SRD5A1: variants seen among roughly 807,000 people sequenced by gnomAD.
The protein encoded by SRD5A1 is 3-oxo-5-alpha-steroid 4-dehydrogenase 1.
SRD5A1 carries 22 observed loss-of-function variants against 28.2 expected under a neutral mutation model. The observed-to-expected ratio is 0.78, with a 90% CI of 0.56 to 1.12. The LOEUF is 1.12. Ranked by LOEUF, SRD5A1 falls within the 50% of genes most tolerant of loss-of-function variation. The pLI is 0.00. For missense variants in SRD5A1, 300 were observed against 346.7 expected, an observed-to-expected ratio of 0.87 and a Z score of 1.07; for synonymous variants, 151 against 135.0, an observed-to-expected ratio of 1.12 and a Z score of -0.82.
At chr5:6,652,060 T>C (rs1038684263) in intron 2 of SRD5A1, 52 bp downstream of exon 2, 4 of 1,538,276 alleles carry the variant, frequency 2.6e-6, no homozygotes, top group Non-Finnish European at 3.5e-6. Flanking sequence ...TGCTTTTATA[T>C]TGATGTCCCA....
At chr5:6,664,914 G>A (rs531393747) in intron 4 of SRD5A1, among the ~76,000 whole-genome samples, 37 of 152,364 alleles carry the variant, frequency 2.4e-4, no homozygotes, top group Non-Finnish European at 4.3e-4. Flanking sequence ...AGTGAGTGCC[G>A]AAGGCAGAGA....
rs1435805077 is a variant in SRD5A1, at chr5:6,633,801, C to G, written c.225C>G (p.Ser75=). 1 of 1,597,864 alleles carries G rather than the reference C, an allele frequency of 6.3e-7. No homozygotes were observed. The highest frequency in any genetic ancestry group is 1.7e-5 in the Admixed American group (1 of 60,006). Residue 75 remains serine (S), a synonymous_variant, in exon 1 of 5, where the codon TCC becomes TCG. Coordinates refer to ENST00000274192, the MANE Select transcript of SRD5A1 (RefSeq NM_001047.4). ...ALPLYQYASE[S]APRLRSAPNC... is the part of the protein sequence containing the mutation. ...CGCTCTACCAGTACGCCAGCGAGTCCGCCCCGCGTCTCCGCAGCGCGCCCA... is the reference window on the plus strand; with the variant it reads ...CGCTCTACCAGTACGCCAGCGAGTCGGCCCCGCGTCTCCGCAGCGCGCCCA...
At position 6,660,791 on chromosome 5, in the gene SRD5A1, G is replaced by T. The variant is rs534490577; in HGVS notation, c.563-2025G>T. Among the ~76,000 whole-genome samples the T allele has an allele frequency of 4.1e-4, 62 of 152,346 alleles. No homozygotes were observed. The South Asian group carries it at 0.011, about 28-fold the overall frequency. ...GCTATAAAGAACTACCTGAGACTGG[G>T]TAATTTATGAAGAGAAAATGTTTAA... On this transcript the variant is annotated intron_variant, in intron 3 of 4. Coordinates refer to ENST00000274192, the MANE Select transcript of SRD5A1 (RefSeq NM_001047.4).
chr5:6,648,066 A>G (rs1288289287), intron 1 of SRD5A1, among the ~76,000 whole-genome samples: 1 of 151,994 alleles, frequency 6.6e-6, no homozygotes, highest in African/African-American at 2.4e-5. Context: ...GATATGAAAG[A>G]AAAGAAAATT....
intron 1 of SRD5A1, among the ~76,000 whole-genome samples, chr5:6,636,442 A>G (rs1738187430): frequency 6.6e-6 from 1 of 152,212 alleles, no homozygotes; most frequent in African/African-American, 2.4e-5. Context: ...CAGAGCCAGT[A>G]CCACCTTACA....
chr5:6,639,090 C>G (rs935597726), intron 1 of SRD5A1, among the ~76,000 whole-genome samples: 18 of 152,194 alleles, frequency 1.2e-4, no homozygotes, highest in African/African-American at 4.3e-4. Context: ...AAATCATTTG[C>G]TGAATAAATG....
intron 2 of SRD5A1, among the ~76,000 whole-genome samples, chr5:6,654,997 C>T (rs1157197755): frequency 6.6e-6 from 1 of 152,058 alleles, no homozygotes; most frequent in African/African-American, 2.4e-5. Flanking sequence ...TATTATAAAA[C>T]TTGGTATGAA....
chr5:6,651,814 A>T, intron 1 of SRD5A1, 28 bp from the exon 2 acceptor site: 1 of 1,556,438 alleles, frequency 6.4e-7, no homozygotes, highest in Non-Finnish European at 8.7e-7. Context: ...ATTTTTTAAA[A>T]AATTGTGCCT....
chr5:6,650,860 T>C (rs1738651153), intron 1 of SRD5A1, among the ~76,000 whole-genome samples: 1 of 147,186 alleles, frequency 6.8e-6, no homozygotes, highest in Non-Finnish European at 1.5e-5. Flanking sequence ...GATCTCATTG[T>C]TCAATTCCCA....
intron 1 of SRD5A1, among the ~76,000 whole-genome samples, chr5:6,637,057 CTGAAGCCTCCTTCTGATCCCAGGGCGCT>C (rs1738205460): frequency 6.6e-6 from 1 of 152,134 alleles, no homozygotes; most frequent in African/African-American, 2.4e-5. Context: ...CCTATCTGTG[CTGAAGCCTCCTTCTGATCCCAGGGCGCT>C]TGGGTTCTTG....
chr5:6,647,877 A>G (rs551756615), intron 1 of SRD5A1, among the ~76,000 whole-genome samples: 1 of 152,142 alleles, frequency 6.6e-6, no homozygotes, highest in Non-Finnish European at 1.5e-5. Context: ...GATCTTTACA[A>G]TTTGGTATAT....
intron 4 of SRD5A1, among the ~76,000 whole-genome samples, chr5:6,664,480 C>T (rs891514208): frequency 7.2e-5 from 11 of 152,312 alleles, no homozygotes; most frequent in African/African-American, 2.6e-4. Context: ...TCTCAGCTCA[C>T]TGCCACCTCT....
intron 1 of SRD5A1, among the ~76,000 whole-genome samples, chr5:6,637,105 G>C (rs189434721): frequency 2.0e-4 from 31 of 152,236 alleles, no homozygotes; most frequent in African/African-American, 7.0e-4. Context: ...GGGTGCAGGG[G>C]CGGCAGCGTC....
chr5:6,652,781 G>A (rs1343416579), intron 2 of SRD5A1, among the ~76,000 whole-genome samples: 1 of 151,696 alleles, frequency 6.6e-6, no homozygotes, highest in Non-Finnish European at 1.5e-5. Context: ...CACTGAGGTG[G>A]GAGGATCACC....
chr5:6,665,323 A>G (rs1022501990), intron 4 of SRD5A1, among the ~76,000 whole-genome samples: 1 of 152,218 alleles, frequency 6.6e-6, no homozygotes, highest in Non-Finnish European at 1.5e-5. Flanking sequence ...AGTGGCCGTT[A>G]TTATAAGCCA....
intron 1 of SRD5A1, among the ~76,000 whole-genome samples, chr5:6,648,257 TG>T (rs1738566015): frequency 6.7e-6 from 1 of 149,430 alleles, no homozygotes; most frequent in Admixed American, 6.8e-5. Context: ...TTATGTGTCT[TG>T]GGGTTGCTCT....
intron 2 of SRD5A1, among the ~76,000 whole-genome samples, chr5:6,653,241 G>A (rs1015582742): frequency 6.6e-5 from 10 of 152,108 alleles, no homozygotes; most frequent in African/African-American, 1.9e-4. Flanking sequence ...CCTGAGGATC[G>A]TTACAGTGAG....
chr5:6,645,708 G>A (rs567686083), intron 1 of SRD5A1, among the ~76,000 whole-genome samples: 177 of 151,528 alleles, frequency 1.2e-3, no homozygotes, highest in African/African-American at 4.0e-3. Context: ...AATCATCACC[G>A]CAAATCAAGA....
chr5:6,655,762 A>G (rs1412787510), intron 2 of SRD5A1, among the ~76,000 whole-genome samples: 1 of 152,182 alleles, frequency 6.6e-6, no homozygotes, highest in African/African-American at 2.4e-5. Context: ...TGACTCCCTG[A>G]TGCTCCCTGG....
Sources: allele counts gnomAD v4.1 joint callset (sites outside exome capture counted in the v4.1 genomes callset), GRCh38; gene constraint gnomAD v4.1.1; transcripts MANE v1.5; gene names NCBI Gene and HGNC (gene_info 2026-07-23, HGNC 2026-07-21).